WFDC10B: variants seen among roughly 807,000 people sequenced by gnomAD.
WFDC10B encodes protein WFDC10B.
Under a neutral mutation model 2.7 loss-of-function variants are expected in WFDC10B, and 1 was observed. The observed-to-expected ratio is 0.38, with a 90% CI of 0.13 to 1.79. The LOEUF (loss-of-function observed/expected upper bound fraction) is 1.79, where lower values mean the gene tolerates loss of function less well. WFDC10B is among the 40% of genes most tolerant of loss of function. The pLI, the probability that WFDC10B is intolerant of heterozygous loss-of-function variation, is 0.33. For missense variants in WFDC10B, 71 were observed against 87.8 expected (o/e 0.81, Z 0.76); for synonymous variants, 26 against 32.2 (o/e 0.81, Z 0.65).
chr20:45,694,184 A>AT (rs1183647069), intron 2 of WFDC10B, among the ~76,000 whole-genome samples: 2 of 151,978 alleles, frequency 1.3e-5, no homozygotes, highest in Admixed American at 1.3e-4. Context: ...GCTTTTGGTG[A>AT]TTTTGTCATG....
intron 2 of WFDC10B, among the ~76,000 whole-genome samples, chr20:45,693,600 G>T (rs1983887068): frequency 1.3e-5 from 2 of 152,204 alleles, no homozygotes; most frequent in Admixed American, 1.3e-4. Context: ...CTAGCAATCA[G>T]CGAGACTCGG....
At chr20:45,685,759 G>T in intron 3 of WFDC10B, 143 bp downstream of exon 3, 1 of 1,379,114 alleles carries the variant, frequency 7.3e-7, no homozygotes, top group Non-Finnish European at 9.7e-7. Flanking sequence ...CATGGTTTGG[G>T]ACAGCCCAGA....
At chr20:45,685,801 T>C in intron 3 of WFDC10B, 101 bp downstream of exon 3, 2 of 1,522,514 alleles carry the variant, frequency 1.3e-6, no homozygotes, top group African/African-American at 1.4e-5. Context: ...GAGCTGGATA[T>C]GCAGAAAGGT....
chr20:45,687,778 A>C (rs1264104150), intron 2 of WFDC10B, among the ~76,000 whole-genome samples: 2 of 151,808 alleles, frequency 1.3e-5, no homozygotes, highest in African/African-American at 4.8e-5. Context: ...TTTCATGTTT[A>C]TCGGCTGCAT....
intron 2 of WFDC10B, chr20:45,702,156 G>T: frequency 6.2e-7 from 1 of 1,613,454 alleles, no homozygotes; most frequent in South Asian, 1.1e-5. Context: ...AGTTCCTGGT[G>T]GTGTTCTGCC....
chr20:45,685,011 C>G (rs1489343381), intron 3 of WFDC10B, 51 bp from the exon 4 acceptor site: 3 of 1,607,312 alleles, frequency 1.9e-6, no homozygotes, highest in Non-Finnish European at 2.5e-6. Flanking sequence ...TATAGAGCAG[C>G]CTTCTCAAGC....
chr20:45,689,316 C>T (rs547710078), intron 2 of WFDC10B, among the ~76,000 whole-genome samples: 66 of 151,686 alleles, frequency 4.4e-4, no homozygotes, highest in African/African-American at 1.3e-3. Flanking sequence ...ATTGACTTGG[C>T]GATGTGGGCT....
intron 2 of WFDC10B, among the ~76,000 whole-genome samples, chr20:45,688,324 G>T (rs1054664871): frequency 6.6e-6 from 1 of 151,674 alleles, no homozygotes; most frequent in African/African-American, 2.4e-5. Context: ...GAATACTGCC[G>T]CAATAAACAT....
intron 2 of WFDC10B, among the ~76,000 whole-genome samples, chr20:45,694,719 G>C (rs1007769735): frequency 6.6e-6 from 1 of 152,116 alleles, no homozygotes; most frequent in Non-Finnish European, 1.5e-5. Flanking sequence ...AGCCCCTTTC[G>C]ATTCCACCTC....
intron 2 of WFDC10B, among the ~76,000 whole-genome samples, 168 bp from the exon 3 acceptor site, chr20:45,686,224 A>G (rs891826647): frequency 1.3e-5 from 2 of 152,218 alleles, no homozygotes; most frequent in African/African-American, 4.8e-5. Flanking sequence ...CTCCTCTCAC[A>G]TCACATAACC....
At chr20:45,698,288 T>A (rs1173887270) in intron 2 of WFDC10B, among the ~76,000 whole-genome samples, 1 of 152,172 alleles carries the variant, frequency 6.6e-6, no homozygotes, top group South Asian at 2.1e-4. Flanking sequence ...CACTTCCTGA[T>A]TCAAAAATAA....
chr20:45,697,369 A>T, intron 2 of WFDC10B, among the ~76,000 whole-genome samples: 1 of 147,512 alleles, frequency 6.8e-6, no homozygotes, highest in South Asian at 2.2e-4. Flanking sequence ...AAATAGAAAG[A>T]CATCCCATCA....
chr20:45,698,976 A>G (rs969784469), intron 2 of WFDC10B, among the ~76,000 whole-genome samples: 2 of 144,586 alleles, frequency 1.4e-5, no homozygotes, highest in Non-Finnish European at 3.0e-5. Context: ...TAAAAAAAAA[A>G]AAAAGAAGAA....
At chr20:45,690,158 A>G (rs1600955402) in intron 2 of WFDC10B, among the ~76,000 whole-genome samples, 1 of 151,800 alleles carries the variant, frequency 6.6e-6, no homozygotes, top group Non-Finnish European at 1.5e-5. Flanking sequence ...ATTTGCGTAT[A>G]TTGAACCAGC....
intron 2 of WFDC10B, among the ~76,000 whole-genome samples, chr20:45,704,015 G>A (rs1303795389): frequency 1.3e-5 from 2 of 152,116 alleles, no homozygotes; most frequent in East Asian, 3.8e-4. Context: ...ACCCATGTTA[G>A]GTTAACCCCA....
chr20:45,699,238 T>C (rs1984073355), intron 2 of WFDC10B, among the ~76,000 whole-genome samples: 1 of 152,162 alleles, frequency 6.6e-6, no homozygotes, highest in Admixed American at 6.5e-5. Context: ...AAAGTAAACA[T>C]ACAAAGTTAA....
intron 2 of WFDC10B, among the ~76,000 whole-genome samples, chr20:45,688,227 G>C (rs1270430868): frequency 6.6e-6 from 1 of 151,866 alleles, no homozygotes; most frequent in Non-Finnish European, 1.5e-5. Context: ...TGGCTGCATA[G>C]TATTCCATGG....
intron 2 of WFDC10B, among the ~76,000 whole-genome samples, chr20:45,687,860 TTTATTA>T (rs149834246): frequency 0.025 from 3,575 of 145,328 alleles, 47 homozygotes; most frequent in Middle Eastern, 0.038. Context: ...TGTCTTTTCT[TTTATTA>T]TTATTATTAT....
At chr20:45,701,290 A>G (rs1199622959) in intron 2 of WFDC10B, among the ~76,000 whole-genome samples, 2 of 152,198 alleles carry the variant, frequency 1.3e-5, no homozygotes, top group Non-Finnish European at 2.9e-5. Context: ...AAACGCCTAT[A>G]GGGGAGGACT....
Sources: allele counts gnomAD v4.1 joint callset (sites outside exome capture counted in the v4.1 genomes callset), GRCh38; gene constraint gnomAD v4.1.1; transcripts MANE v1.5; gene names NCBI Gene and HGNC (gene_info 2026-07-23, HGNC 2026-07-21).